The following ZFAT variants were observed in gnomAD, a reference collection of about 807,000 sequenced individuals.
The protein encoded by ZFAT is zinc finger protein ZFAT.
A neutral mutation model predicts 117.7 loss-of-function variants in ZFAT; 64 were observed. The ratio of observed to expected loss-of-function variants is 0.54; its 90% CI spans 0.44 to 0.67. The LOEUF (loss-of-function observed/expected upper bound fraction) is 0.67, where lower values mean the gene tolerates loss of function less well. Among genes scored for constraint, ZFAT ranks in the 30% least tolerant of loss-of-function variants. The pLI is 0.00. For missense variants in ZFAT, 1,433 were observed against 1,584.5 expected (o/e 0.90, Z 1.62); for synonymous variants, 679 against 615.0 (o/e 1.10, Z -1.54).
chr8:134,827,973 C>T, the ZFAT span, among the ~76,000 whole-genome samples: 1 of 152,140 alleles, frequency 6.6e-6, no homozygotes, highest in East Asian at 1.9e-4. Flanking sequence ...ATCATTACCA[C>T]TAGCCTCACG....
chr8:134,626,540 G>A (rs918501862), intron 3 of ZFAT, among the ~76,000 whole-genome samples: 19 of 152,256 alleles, frequency 1.2e-4, no homozygotes, highest in Admixed American at 3.9e-4. Context: ...AAGAGGCAGC[G>A]TCACTGGGGA....
chr8:134,683,038 T>A (rs2131304031), intron 1 of ZFAT, among the ~76,000 whole-genome samples: 1 of 152,276 alleles, frequency 6.6e-6, no homozygotes, highest in African/African-American at 2.4e-5. Flanking sequence ...TAGCACCCCC[T>A]GTCAGAAAAT....
At chr8:134,610,974 C>T (rs950719693) in intron 3 of ZFAT, among the ~76,000 whole-genome samples, 2 of 152,242 alleles carry the variant, frequency 1.3e-5, no homozygotes, top group African/African-American at 4.8e-5. Flanking sequence ...AACAACACTG[C>T]ACAGAAGATA....
At chr8:134,565,697 A>T (rs1253079766) in intron 10 of ZFAT, 14 of 537,136 alleles carry the variant, frequency 2.6e-5, no homozygotes, top group Non-Finnish European at 3.3e-5. Flanking sequence ...CTCCTAAAGA[A>T]AGAGTAAGGG....
At chr8:134,604,650 C>A (rs571012815) in intron 5 of ZFAT, among the ~76,000 whole-genome samples, 1 of 152,340 alleles carries the variant, frequency 6.6e-6, no homozygotes, top group Non-Finnish European at 1.5e-5. Context: ...TTCAACTGTA[C>A]CCACTCTCAC....
At chr8:134,718,009 T>C (rs1814230893), upstream of ZFAT, among the ~76,000 whole-genome samples, 1 of 152,194 alleles carries the variant, frequency 6.6e-6, no homozygotes, top group South Asian at 2.1e-4. Flanking sequence ...AACAACTGTT[T>C]TTACAAAGTT....
intron 14 of ZFAT, chr8:134,510,743 C>T (rs562967941): frequency 1.3e-5 from 2 of 153,440 alleles, no homozygotes; most frequent in African/African-American, 2.4e-5. Context: ...CCATGGACTC[C>T]CTTAATGACC....
Position 134,610,461 on chromosome 8 carries a change from T to G in ZFAT, c.634+9A>C, listed in dbSNP as rs1586812378. 2 of 1,611,666 alleles carry G rather than the reference T, an allele frequency of 1.2e-6. No individual in the cohort carries two copies. The highest frequency in any genetic ancestry group is 2.2e-5 in the South Asian group (2 of 90,490). ...TCTTGCCTTTTCCTTTCCCGCTTGG[T>G]GCAGTCACCTGGAATTGCTTCGTGT... On this transcript the variant is annotated intron_variant, in intron 4 of 15. Transcript: ENST00000377838.
the ZFAT span, among the ~76,000 whole-genome samples, chr8:134,775,809 C>A: frequency 1.3e-5 from 2 of 152,140 alleles, no homozygotes; most frequent in African/African-American, 4.8e-5. Flanking sequence ...GGAGAGAAAA[C>A]CCCACTATTA....
At chr8:134,702,118 C>T (rs1310168815) in intron 1 of ZFAT, among the ~76,000 whole-genome samples, 1 of 152,206 alleles carries the variant, frequency 6.6e-6, no homozygotes, top group Non-Finnish European at 1.5e-5. Context: ...AAAGTACCCA[C>T]CCAGCAAGAA....
intron 12 of ZFAT, among the ~76,000 whole-genome samples, chr8:134,528,124 C>G (rs934663585): frequency 6.6e-6 from 1 of 152,226 alleles, no homozygotes; most frequent in Non-Finnish European, 1.5e-5. Context: ...GTGCAAACAT[C>G]TACAAACTTT....
the ZFAT span, among the ~76,000 whole-genome samples, chr8:134,799,984 G>C: frequency 6.6e-6 from 1 of 152,046 alleles, no homozygotes; most frequent in Non-Finnish European, 1.5e-5. Context: ...TTATTTTACA[G>C]ATGAGAAAAC....
the ZFAT span, among the ~76,000 whole-genome samples, chr8:134,773,248 A>G: frequency 6.6e-6 from 1 of 152,338 alleles, no homozygotes; most frequent in Admixed American, 6.5e-5. Flanking sequence ...TACTCTGTCT[A>G]TGCTCTATAA....
chr8:134,533,047 A>C, intron 11 of ZFAT, 75 bp from the exon 12 acceptor site: 1 of 1,532,492 alleles, frequency 6.5e-7, no homozygotes. Flanking sequence ...CCACCTGGTG[A>C]GCATCTGACA....
At chr8:134,831,501 C>G in the ZFAT span, among the ~76,000 whole-genome samples, 2 of 152,226 alleles carry the variant, frequency 1.3e-5, no homozygotes, top group Admixed American at 6.5e-5. Flanking sequence ...TGCTCCCGGC[C>G]TCTCTCACTC....
At chr8:134,783,452 G>C in the ZFAT span, among the ~76,000 whole-genome samples, 1 of 152,240 alleles carries the variant, frequency 6.6e-6, no homozygotes, top group South Asian at 2.1e-4. Context: ...AGGTGGAACA[G>C]TTTCATCCCG....
chr8:134,688,908 C>CTTCCTGGGGT lies in ZFAT; in HGVS notation c.19+23927_19+23936dup, dbSNP rs960054975. 1.6e-4 allele frequency among the ~76,000 whole-genome samples: 25 copies of CTTCCTGGGGT among 152,290 alleles called. No individual in the cohort carries two copies. The East Asian group carries it at 3.7e-3, about 22-fold the overall frequency. The stretch of plus-strand genomic sequence containing the variant: ...GTCCAGCCATGGTTTCCCCACTCTG[C>CTTCCTGGGGT]TTCCTGGGGTTTTCAAAATGCAGGA... On this transcript the variant is annotated intron_variant, in intron 1 of 15. Coordinates refer to ENST00000377838, the MANE Select transcript of ZFAT (RefSeq NM_020863.4).
chr8:134,600,761 A>G (rs1262330154), intron 6 of ZFAT, 93 bp from the exon 7 acceptor site: 4 of 1,025,348 alleles, frequency 3.9e-6, no homozygotes, highest in Non-Finnish European at 5.5e-6. Context: ...TACAATATCT[A>G]TCTCCCTCTT....
At chr8:134,574,168 G>C (rs1237004706) in intron 10 of ZFAT, among the ~76,000 whole-genome samples, 2 of 152,208 alleles carry the variant, frequency 1.3e-5, no homozygotes, top group African/African-American at 2.4e-5. Flanking sequence ...GGGGGAGCCA[G>C]CAGGGTACCT....
Sources: gnomAD v4.1 joint callset for allele counts (sites outside exome capture counted in the v4.1 genomes callset) on GRCh38, gnomAD v4.1.1 for gene constraint, MANE v1.5 for transcripts, NCBI Gene and HGNC (gene_info 2026-07-23, HGNC 2026-07-21) for gene names.